Variants in NELL1 observed in about 807,000 individuals in gnomAD.
NELL1 encodes the protein protein kinase C-binding protein NELL1.
A neutral mutation model predicts 107.4 loss-of-function variants in NELL1; 76 were observed. The ratio of observed to expected loss-of-function variants is 0.71; its 90% CI spans 0.59 to 0.86. The LOEUF (loss-of-function observed/expected upper bound fraction) is 0.86, where lower values mean the gene tolerates loss of function less well. Among genes scored for constraint, NELL1 ranks in the 40% least tolerant of loss-of-function variants. The probability of loss-of-function intolerance (pLI) is 0.00; values close to 1 mark genes in which losing one functional copy is unlikely to be tolerated. For synonymous variants in NELL1, 353 were observed against 341.2 expected (o/e 1.03, Z -0.38); for missense variants, 1,024 against 1,005.5 (o/e 1.02, Z -0.25).
intron 13 of NELL1, among the ~76,000 whole-genome samples, chr11:21,187,534 C>A (rs1856959994): frequency 1.3e-5 from 2 of 151,692 alleles, no homozygotes; most frequent in South Asian, 2.1e-4. Flanking sequence ...GCAATTAATA[C>A]CTCCCTTTCA....
chr11:20,894,933 A>AT (rs1849692945), intron 5 of NELL1, among the ~76,000 whole-genome samples: 1 of 152,028 alleles, frequency 6.6e-6, no homozygotes, highest in Non-Finnish European at 1.5e-5. Flanking sequence ...AGTATAATAC[A>AT]TTTTTGTTAA....
chr11:21,161,683 G>A (rs1354392875), intron 13 of NELL1, among the ~76,000 whole-genome samples: 2 of 151,952 alleles, frequency 1.3e-5, no homozygotes, highest in Non-Finnish European at 2.9e-5. Flanking sequence ...GTAAGAAAAG[G>A]TAAAATTAAT....
intron 2 of NELL1, among the ~76,000 whole-genome samples, chr11:20,698,929 T>C (rs966802574): frequency 1.3e-5 from 2 of 152,146 alleles, no homozygotes; most frequent in African/African-American, 4.8e-5. Flanking sequence ...AGAATAACGG[T>C]CTCCAAACTG....
At chr11:20,858,261 C>T (rs1428014880) in intron 4 of NELL1, among the ~76,000 whole-genome samples, 2 of 152,110 alleles carry the variant, frequency 1.3e-5, no homozygotes, top group African/African-American at 2.4e-5. Flanking sequence ...AGTGCACCCC[C>T]CTATTTCTGA....
intron 15 of NELL1, 151 bp downstream of exon 15, chr11:21,371,099 C>T: frequency 3.3e-6 from 2 of 598,340 alleles, no homozygotes; most frequent in South Asian, 2.3e-5. Context: ...AAAGTGGGTA[C>T]CTTGCTTAAA....
intron 12 of NELL1, among the ~76,000 whole-genome samples, chr11:21,010,633 A>C (rs1018801180): frequency 6.6e-6 from 1 of 152,154 alleles, no homozygotes; most frequent in Non-Finnish European, 1.5e-5. Flanking sequence ...AGGGTGAACA[A>C]TAAAATACAT....
At chr11:20,892,675 A>G (rs1207010318) in intron 5 of NELL1, among the ~76,000 whole-genome samples, 1 of 152,234 alleles carries the variant, frequency 6.6e-6, no homozygotes, top group Non-Finnish European at 1.5e-5. Flanking sequence ...TCACACCTGT[A>G]ATCCCAGCAC....
intron 3 of NELL1, among the ~76,000 whole-genome samples, chr11:20,836,610 C>T (rs1848538707): frequency 9.3e-6 from 1 of 107,682 alleles, no homozygotes; most frequent in South Asian, 3.3e-4. Context: ...CATGCAAAGA[C>T]ACAGGTGAAA....
intron 15 of NELL1, among the ~76,000 whole-genome samples, chr11:21,433,933 C>T (rs1361025674): frequency 1.3e-5 from 2 of 152,126 alleles, no homozygotes; most frequent in African/African-American, 2.4e-5. Flanking sequence ...CCTCGGCCTC[C>T]CAAAGTGCTG....
At chr11:20,880,122 A>G (rs1169787991) in intron 4 of NELL1, among the ~76,000 whole-genome samples, 2 of 152,268 alleles carry the variant, frequency 1.3e-5, no homozygotes, top group Non-Finnish European at 2.9e-5. Flanking sequence ...TGTATGGCAA[A>G]AATAGACAAT....
At chr11:20,736,326 C>T (rs1855760432) in intron 2 of NELL1, among the ~76,000 whole-genome samples, 1 of 152,162 alleles carries the variant, frequency 6.6e-6, no homozygotes, top group African/African-American at 2.4e-5. Context: ...ATATGGGCTA[C>T]TCCTCTTGCC....
At chr11:21,475,602 T>G (rs1232183396) in intron 15 of NELL1, among the ~76,000 whole-genome samples, 1 of 152,210 alleles carries the variant, frequency 6.6e-6, no homozygotes, top group African/African-American at 2.4e-5. Context: ...GGCTGCTCTC[T>G]CATCGTGAGG....
rs74468602 is a variant in NELL1, at chr11:21,174,454, A to G, written c.1427-54878A>G. Among the ~76,000 whole-genome samples the G allele has an allele frequency of 1.1e-4, 16 of 151,984 alleles. No homozygotes were observed. In the East Asian group the frequency reaches 1.3e-3, roughly 13 times the overall value. On this transcript the variant is annotated intron_variant, in intron 13 of 19. Coordinates refer to ENST00000357134, the MANE Select transcript of NELL1 (RefSeq NM_006157.5). ...AAAAAGGAGCTATTGACCTTGATAT[A>G]TAAAATTGAAATAATCAGATGGTCT...
At position 21,015,258 on chromosome 11, in the gene NELL1, AC is replaced by A. The variant is rs138924737; in HGVS notation, c.1300+54700del. On this transcript the variant is annotated intron_variant, in intron 12 of 19. Coordinates refer to ENST00000357134, the MANE Select transcript of NELL1 (RefSeq NM_006157.5). ...CAAAGAATGAACAAGCCGCTAGAGA[AC>A]CAAGTGTGAATGAAGCAAGGTTGTC... Among the ~76,000 whole-genome samples, 970 of 152,208 alleles carry A rather than the reference AC, an allele frequency of 6.4e-3. 7 individuals carry two copies. The highest frequency in any genetic ancestry group is 0.022 in the African/African-American group (927 of 41,558).
intron 15 of NELL1, among the ~76,000 whole-genome samples, chr11:21,484,132 G>C (rs2133904427): frequency 6.7e-6 from 1 of 148,408 alleles, no homozygotes; most frequent in Non-Finnish European, 1.5e-5. Flanking sequence ...TTTTTCCCAT[G>C]CTATATTTTT....
At chr11:20,701,443 TC>T (rs1854784773) in intron 2 of NELL1, among the ~76,000 whole-genome samples, 1 of 152,186 alleles carries the variant, frequency 6.6e-6, no homozygotes, top group East Asian at 1.9e-4. Flanking sequence ...TAAAATTTTC[TC>T]CCATTCTGTA....
At chr11:20,694,073 T>C (rs1792980) in intron 2 of NELL1, among the ~76,000 whole-genome samples, 31,654 of 152,128 alleles carry the variant, frequency 0.21, 3,596 homozygotes, top group African/African-American at 0.27. Flanking sequence ...TCCAGTTGAT[T>C]GCATGGGCTC....
intron 17 of NELL1, among the ~76,000 whole-genome samples, chr11:21,565,247 T>C (rs1216217066): frequency 6.6e-6 from 1 of 151,954 alleles, no homozygotes; most frequent in African/African-American, 2.4e-5. Context: ...GTAGGTTTCA[T>C]TTGGCACTCA....
intron 15 of NELL1, among the ~76,000 whole-genome samples, chr11:21,506,547 T>G (rs945396631): frequency 6.6e-6 from 1 of 152,236 alleles, no homozygotes; most frequent in Non-Finnish European, 1.5e-5. Context: ...ACTGTGTGAC[T>G]TGGGGCTTCA....
Sources: gnomAD v4.1 joint callset for allele counts (sites outside exome capture counted in the v4.1 genomes callset) on GRCh38, gnomAD v4.1.1 for gene constraint, MANE v1.5 for transcripts, NCBI Gene and HGNC (gene_info 2026-07-23, HGNC 2026-07-21) for gene names.